The following RTN4 variants were observed in gnomAD, a reference collection of about 807,000 sequenced individuals.
RTN4 encodes reticulon 4, also known as reticulon-4.
RTN4 carries 32 observed loss-of-function variants against 90.4 expected under a neutral mutation model. The observed-to-expected ratio is 0.35, with a 90% confidence interval of 0.27 to 0.48. The LOEUF (loss-of-function observed/expected upper bound fraction) is 0.48. RTN4 is among the 20% of genes least tolerant of loss of function. The pLI, the probability that RTN4 is intolerant of heterozygous loss-of-function variation, is 0.99. For missense variants in RTN4, 1,706 were observed against 1,430.2 expected (o/e 1.19, Z -3.11); for synonymous variants, 629 against 552.5 (o/e 1.14, Z -1.94).
chr2:55,126,060 CAAA>C, the RTN4 span, among the ~76,000 whole-genome samples: 2 of 62,446 alleles, frequency 3.2e-5, no homozygotes, highest in Non-Finnish European at 3.0e-5. Flanking sequence ...GACTCCGTCT[CAAA>C]AAAAAAAAAA....
Position 55,027,291 on chromosome 2 carries a change from T to G in RTN4, c.808A>C (p.Ser270Arg). 6.2e-7 allele frequency: 1 copy of G among 1,613,740 alleles called. No individual in the cohort carries two copies. The highest frequency in any genetic ancestry group is 8.5e-7 in the Non-Finnish European group (1 of 1,179,780). ...PTEGTLQENV[S>R]EASKEVSEKA... ...TCTGAGACCTCTTTAGAAGCTTCAC[T>G]GACATTTTCTTGAAGTGTTCCTTCA... The change falls in exon 3 of 9, where the codon AGT becomes CGT. Residue 270 changes from serine (S) to arginine (R), a missense_variant. Coordinates refer to ENST00000337526, the MANE Select transcript of RTN4 (RefSeq NM_020532.5).
At chr2:55,123,787 G>A in the RTN4 span, among the ~76,000 whole-genome samples, 9 of 151,920 alleles carry the variant, frequency 5.9e-5, no homozygotes, top group African/African-American at 1.9e-4. Context: ...AAAAGTTTAT[G>A]TAAAGTACCT....
chr2:55,071,545 A>C (rs1668513982), intron 2 of RTN4, among the ~76,000 whole-genome samples: 1 of 81,728 alleles, frequency 1.2e-5, no homozygotes, highest in South Asian at 4.7e-4. Context: ...TTTGCCATCA[A>C]AAAAAAAAAA....
intron 2 of RTN4, among the ~76,000 whole-genome samples, chr2:55,067,194 T>G (rs1009057847): frequency 1.3e-5 from 2 of 152,194 alleles, no homozygotes; most frequent in Admixed American, 6.5e-5. Context: ...AATAAGCTGC[T>G]TGATGATTGC....
chr2:54,988,515 T>C lies in RTN4; in HGVS notation c.3014-817A>G, dbSNP rs116242727. Among the ~76,000 whole-genome samples, 483 of 152,348 alleles carry C rather than the reference T, an allele frequency of 3.2e-3. 1 individual carries two copies. The highest frequency in any genetic ancestry group is 5.3e-3 in the Non-Finnish European group (359 of 68,030). On this transcript the variant is annotated intron_variant, in intron 3 of 8. Transcript: ENST00000337526. ...AAACTACACATATGAATGAGCTTTT[T>C]TTCTTATTTGATTTTTTTGTGCTAG...
chr2:55,001,430 T>G (rs1245841427), intron 3 of RTN4, among the ~76,000 whole-genome samples: 1 of 152,188 alleles, frequency 6.6e-6, no homozygotes, highest in African/African-American at 2.4e-5. Context: ...AGTTTAGTAT[T>G]GTTAAATGGT....
intron 3 of RTN4, among the ~76,000 whole-genome samples, chr2:55,001,257 G>A (rs569416786): frequency 6.6e-5 from 10 of 152,128 alleles, no homozygotes; most frequent in Non-Finnish European, 1.2e-4. Flanking sequence ...GAGAACAAAC[G>A]GCCTTTACAA....
intron 8 of RTN4, 33 bp downstream of exon 8, chr2:54,973,530 C>T: frequency 6.7e-7 from 1 of 1,500,050 alleles, no homozygotes; most frequent in African/African-American, 1.4e-5. Flanking sequence ...ACACCTTATC[C>T]TAGTAAAAAC....
intron 1 of RTN4, chr2:55,046,914 A>C (rs535786557): frequency 2.6e-5 from 4 of 152,360 alleles, no homozygotes; most frequent in African/African-American, 9.6e-5. Flanking sequence ...CAACCTCAGC[A>C]TTCCAACACA....
chr2:55,002,196 C>A (rs1679897510), intron 3 of RTN4, among the ~76,000 whole-genome samples: 1 of 151,762 alleles, frequency 6.6e-6, no homozygotes, highest in African/African-American at 2.4e-5. Flanking sequence ...GTAGCTGGGA[C>A]CATAGGCGTG....
Position 55,008,142 on chromosome 2 carries a change from A to AACACACACACACACAC in RTN4, c.3013+16928_3013+16943dup, listed in dbSNP as rs200633765. Among the ~76,000 whole-genome samples, 149 of 145,104 alleles carry AACACACACACACACAC rather than the reference A, an allele frequency of 1.0e-3. 2 individuals are homozygous for AACACACACACACACAC. Among genetic ancestry groups the AACACACACACACACAC allele is most frequent in the East Asian group, 8.3e-3 (41 of 4,940 alleles). ...TTAAATACCAGTTAATCGGCAAGCA[A>AACACACACACACACAC]ACACACACACACACACACACACACA... is the stretch of plus-strand genomic sequence containing the variant. On this transcript the variant is annotated intron_variant, in intron 3 of 8. Coordinates refer to ENST00000337526, the MANE Select transcript of RTN4 (RefSeq NM_020532.5).
chr2:55,032,307 G>A (rs1682375047), intron 1 of RTN4, among the ~76,000 whole-genome samples: 1 of 152,108 alleles, frequency 6.6e-6, no homozygotes, highest in Non-Finnish European at 1.5e-5. Context: ...TCAAACTCCT[G>A]ACCTCAAGTG....
chr2:55,085,340 G>C (rs1391496505), intron 1 of RTN4, among the ~76,000 whole-genome samples: 1 of 135,762 alleles, frequency 7.4e-6, no homozygotes, highest in Non-Finnish European at 1.7e-5. Flanking sequence ...TAGAAGGAGA[G>C]AGAGGTAGAT....
At chr2:55,043,596 A>C (rs1236969799) in intron 1 of RTN4, among the ~76,000 whole-genome samples, 1 of 152,126 alleles carries the variant, frequency 6.6e-6, no homozygotes, top group Admixed American at 6.6e-5. Flanking sequence ...TTAAAAAAAT[A>C]AAAATAAGGC....
upstream of RTN4, among the ~76,000 whole-genome samples, chr2:55,052,804 A>G (rs1668120070): frequency 6.6e-6 from 1 of 152,224 alleles, no homozygotes; most frequent in Admixed American, 6.5e-5. Context: ...CAGTTTAGCT[A>G]TCAGCAGTCT....
chr2:55,084,063 G>A (rs1002039129), intron 1 of RTN4, among the ~76,000 whole-genome samples: 3 of 152,180 alleles, frequency 2.0e-5, no homozygotes, highest in Non-Finnish European at 4.4e-5. Context: ...GGAACTTTCA[G>A]CCCTACTCTG....
At chr2:55,066,219 G>A (rs1573493863) in intron 2 of RTN4, among the ~76,000 whole-genome samples, 1 of 144,456 alleles carries the variant, frequency 6.9e-6, no homozygotes. Context: ...GTGTGTGTGT[G>A]TGTATGTTTT....
At chr2:55,006,152 T>G (rs1680205280) in intron 3 of RTN4, among the ~76,000 whole-genome samples, 1 of 152,160 alleles carries the variant, frequency 6.6e-6, no homozygotes, top group African/African-American at 2.4e-5. Context: ...GTTAAAAAGA[T>G]ACCCCAAAAC....
chr2:54,972,953 T>TTACAA lies in RTN4; in HGVS notation c.*198_*202dup. 1 of 472,324 alleles carries TTACAA rather than the reference T, an allele frequency of 2.1e-6. No individual in the cohort carries two copies. The highest frequency in any genetic ancestry group is 3.8e-6 in the Non-Finnish European group (1 of 262,246). 29.3% of individuals were successfully genotyped at this position (472,324 alleles called of 1,614,324 possible). Reference sequence around the variant, plus strand: ...ACGGTTTAAATCCATACATAGCAGCTTACAATACTTAAGATGATGAACACA... The same window carrying TTACAA: ...ACGGTTTAAATCCATACATAGCAGCTTACAATACAATACTTAAGATGATGAACACA... On this transcript the variant is annotated 3_prime_UTR_variant, in exon 9 of 9. Transcript: ENST00000337526.
Sources: gnomAD v4.1 joint callset for allele counts (sites outside exome capture counted in the v4.1 genomes callset) on GRCh38, gnomAD v4.1.1 for gene constraint, MANE v1.5 for transcripts, NCBI Gene and HGNC (gene_info 2026-07-23, HGNC 2026-07-21) for gene names.